ANKRD62: variants seen among roughly 807,000 people sequenced by gnomAD.
ANKRD62 encodes ankyrin repeat domain-containing protein 62.
ANKRD62 carries 61 observed loss-of-function variants against 98.8 expected under a neutral mutation model. The observed-to-expected ratio is 0.62, with a 90% confidence interval of 0.50 to 0.76. ANKRD62 has a LOEUF of 0.76. ANKRD62 is among the 30% of genes least tolerant of loss of function. The pLI is 0.00. For synonymous variants in ANKRD62, 341 were observed against 367.9 expected (o/e 0.93, Z 0.84); for missense variants, 933 against 1,082.9 (o/e 0.86, Z 1.94).
chr18:12,110,224 TTGAG>T (rs1179833264), intron 8 of ANKRD62, among the ~76,000 whole-genome samples: 4 of 152,252 alleles, frequency 2.6e-5, no homozygotes. Flanking sequence ...TGTTACAGAA[TTGAG>T]TATTTTAGTA....
intron 3 of ANKRD62, 97 bp from the exon 4 acceptor site, chr18:12,096,099 T>A (rs922004591): frequency 1.2e-6 from 1 of 820,334 alleles, no homozygotes; most frequent in African/African-American, 1.7e-5. Flanking sequence ...TACTTTCTGC[T>A]TCATGTTTAA....
At chr18:12,156,921 G>A in the ANKRD62 span, among the ~76,000 whole-genome samples, 4 of 152,248 alleles carry the variant, frequency 2.6e-5, no homozygotes, top group East Asian at 7.7e-4. Context: ...TAAGATATAT[G>A]ATAACTTCCT....
intron 3 of ANKRD62, 95 bp downstream of exon 3, chr18:12,095,705 G>A (rs1275690980): frequency 8.9e-6 from 10 of 1,126,702 alleles, no homozygotes; most frequent in African/African-American, 4.7e-5. Context: ...GAAACTAGAA[G>A]GAAATATATT....
At chr18:12,102,386 G>A (rs1909320598) in intron 6 of ANKRD62, 2 of 581,810 alleles carry the variant, frequency 3.4e-6, no homozygotes, top group African/African-American at 3.7e-5. Context: ...TGAGATAGGA[G>A]CAGGTGTGAC....
At chr18:12,102,328 T>C (rs1909318698) in intron 6 of ANKRD62, 1 of 701,084 alleles carries the variant, frequency 1.4e-6, no homozygotes, top group African/African-American at 1.7e-5. Flanking sequence ...GACAAGCCAA[T>C]GTACTCACTC....
intron 8 of ANKRD62, among the ~76,000 whole-genome samples, chr18:12,112,243 A>T (rs1909559314): frequency 6.6e-6 from 1 of 152,226 alleles, no homozygotes; most frequent in Non-Finnish European, 1.5e-5. Context: ...GGGAACCAGA[A>T]AAGGGTGTGA....
At chr18:12,155,444 T>C in the ANKRD62 span, among the ~76,000 whole-genome samples, 1 of 152,144 alleles carries the variant, frequency 6.6e-6, no homozygotes, top group Non-Finnish European at 1.5e-5. Context: ...CTTCTTCCTG[T>C]TTCCATTGAC....
At chr18:12,107,882 T>C (rs1909450336) in intron 8 of ANKRD62, among the ~76,000 whole-genome samples, 1 of 152,174 alleles carries the variant, frequency 6.6e-6, no homozygotes, top group South Asian at 2.1e-4. Context: ...ATATTTATTA[T>C]ACATATGATG....
chr18:12,106,867 C>T (rs939237801), intron 7 of ANKRD62, among the ~76,000 whole-genome samples: 3 of 152,138 alleles, frequency 2.0e-5, no homozygotes, highest in African/African-American at 7.2e-5. Flanking sequence ...CCTTTCTGTT[C>T]TTGAAGCCCC....
chr18:12,109,678 A>G (rs1219774060), intron 8 of ANKRD62, among the ~76,000 whole-genome samples: 1 of 152,210 alleles, frequency 6.6e-6, no homozygotes, highest in Non-Finnish European at 1.5e-5. Context: ...CATATTTTAT[A>G]TAAATATTTA....
At chr18:12,104,275 G>A (rs1381441757) in intron 7 of ANKRD62, among the ~76,000 whole-genome samples, 3 of 152,088 alleles carry the variant, frequency 2.0e-5, no homozygotes, top group Non-Finnish European at 4.4e-5. Flanking sequence ...TTGGTTACAA[G>A]ACAGTAATTT....
intron 7 of ANKRD62, among the ~76,000 whole-genome samples, chr18:12,103,474 C>T (rs1029114769): frequency 3.3e-5 from 5 of 151,860 alleles, no homozygotes; most frequent in Non-Finnish European, 7.4e-5. Context: ...ATTTTTATAA[C>T]CTAATGTAAT....
chr18:12,126,703 G>C (rs983451346), intron 13 of ANKRD62, among the ~76,000 whole-genome samples: 1 of 152,112 alleles, frequency 6.6e-6, no homozygotes, highest in Non-Finnish European at 1.5e-5. Context: ...CCACATTTTA[G>C]GATTACGATA....
chr18:12,164,861 T>A, the ANKRD62 span, among the ~76,000 whole-genome samples: 19 of 152,032 alleles, frequency 1.2e-4, no homozygotes, highest in African/African-American at 4.6e-4. Flanking sequence ...GGGACATATG[T>A]TCAATGCTGA....
chr18:12,125,517 G>A lies in ANKRD62; in HGVS notation c.1696G>A (p.Asp566Asn). ...DLWQENHLMR[D>N]EIARLRLEID... Reference sequence around the variant, plus strand: ...GTGGCAGGAAAATCACTTGATGCGGGATGAAATTGCCAGACTCAGGCTGGA... The same window carrying A: ...GTGGCAGGAAAATCACTTGATGCGGAATGAAATTGCCAGACTCAGGCTGGA... The change falls in exon 13 of 14, where the codon GAT becomes AAT. Residue 566 changes from aspartate (D) to asparagine (N), a missense_variant. Around this residue, in one of 3 missense-constraint regions of ANKRD62, gnomAD observed 362 missense variants for 434.5 expected, o/e 0.83. Transcript: ENST00000587848. The A allele has an allele frequency of 6.7e-7, 1 of 1,502,388 alleles. No individual in the cohort carries two copies. Among genetic ancestry groups the A allele is most frequent in the Non-Finnish European group, 8.8e-7 (1 of 1,136,172 alleles). The allele number at this position is 1,502,388 out of a possible 1,614,324, so 93.1% of individuals were successfully genotyped here.
chr18:12,158,547 A>T, the ANKRD62 span, among the ~76,000 whole-genome samples: 1 of 150,982 alleles, frequency 6.6e-6, no homozygotes, highest in Non-Finnish European at 1.5e-5. Context: ...TTTTTTTGAG[A>T]CGGAGTCTCG....
chr18:12,122,108 C>T (rs545544018), intron 10 of ANKRD62, among the ~76,000 whole-genome samples, 195 bp from the exon 11 acceptor site: 1 of 152,308 alleles, frequency 6.6e-6, no homozygotes, highest in East Asian at 1.9e-4. Flanking sequence ...CTTTACTACA[C>T]TTGAAGCTAA....
Position 12,111,811 on chromosome 18 carries a change from AAAC to A in ANKRD62, c.1065-3266_1065-3264del, listed in dbSNP as rs557674314. Among the ~76,000 whole-genome samples, 56 of 152,252 alleles carry A rather than the reference AAAC, an allele frequency of 3.7e-4. 1 individual carries two copies. The highest frequency in any genetic ancestry group is 1.2e-3 in the African/African-American group (49 of 41,536). On this transcript the variant is annotated intron_variant, in intron 8 of 13. Coordinates refer to ENST00000587848, the MANE Select transcript of ANKRD62 (RefSeq NM_001277333.2). ...TAATTCTTACTCACAATTGCCACCA[AAAC>A]AACAACAACATAAAAACCTAGGAAT...
chr18:12,151,867 A>G, the ANKRD62 span, among the ~76,000 whole-genome samples: 1 of 152,154 alleles, frequency 6.6e-6, no homozygotes. Context: ...ACCATTAGAA[A>G]TGATGAAGGC....
Sources: allele counts gnomAD v4.1 joint callset (sites outside exome capture counted in the v4.1 genomes callset), GRCh38; gene constraint gnomAD v4.1.1; regional missense constraint gnomAD v4.1.1; transcripts MANE v1.5; gene names NCBI Gene and HGNC (gene_info 2026-07-23, HGNC 2026-07-21).